LY6E: variants seen among roughly 807,000 people sequenced by gnomAD.
LY6E encodes lymphocyte antigen 6E.
LY6E carries 4 observed loss-of-function variants against 7.7 expected under a neutral mutation model. The ratio of observed to expected loss-of-function variants is 0.52; its 90% CI spans 0.25 to 1.18. The LOEUF is 1.18. Among genes scored for constraint, LY6E ranks in the 50% most tolerant of loss-of-function variants. The pLI, the probability that LY6E is intolerant of heterozygous loss-of-function variation, is 0.14. For missense variants in LY6E, 156 were observed against 168.0 expected (o/e 0.93, Z 0.40); for synonymous variants, 81 against 80.1 (o/e 1.01, Z -0.06).
At position 143,021,399 on chromosome 8, in the gene LY6E, C is replaced by T; in HGVS notation, c.138C>T (p.Asn46=). The change falls in exon 3 of 4, where the codon AAC becomes AAT. Residue 46 remains asparagine, a synonymous_variant. Transcript: ENST00000292494. ...CGACCATCTGCTCCGACCAGGACAA[C>T]TACTGCGTGACTGTGTCTGCTAGTG... ...LKPTICSDQD[N]YCVTVSASAG... 2 of 1,614,052 alleles carry T rather than the reference C, an allele frequency of 1.2e-6. No homozygotes were observed. The highest frequency in any genetic ancestry group is 1.7e-6 in the Non-Finnish European group (2 of 1,180,036).
At chr8:143,021,166 TCGA>T (rs1261503603) in intron 2 of LY6E, 145 bp from the exon 3 acceptor site, 9 of 1,271,028 alleles carry the variant, frequency 7.1e-6, no homozygotes, top group African/African-American at 1.5e-5. Flanking sequence ...CTTGACCTGC[TCGA>T]CGGCCAGGGT....
intron 1 of LY6E, 175 bp downstream of exon 1, chr8:143,018,761 C>G (rs938057846): frequency 6.6e-6 from 1 of 152,250 alleles, no homozygotes; most frequent in Non-Finnish European, 1.5e-5. Flanking sequence ...CACGGGGAGG[C>G]GCAGGAGAGG....
Position 143,021,601 on chromosome 8 carries a change from A to T in LY6E, c.208A>T (p.Thr70Ser). 1 of 1,613,942 alleles carries T rather than the reference A, an allele frequency of 6.2e-7. No individual in the cohort carries two copies. The highest frequency in any genetic ancestry group is 8.5e-7 in the Non-Finnish European group (1 of 1,180,010). ...GACATTTGGCCACAGCCTGAGCAAGACCTGTTCCCCGGCCTGCCCCATCCC... is the reference window on the plus strand; with the variant it reads ...GACATTTGGCCACAGCCTGAGCAAGTCCTGTTCCCCGGCCTGCCCCATCCC... ...LVTFGHSLSK[T>S]CSPACPIPEG... Residue 70 changes from threonine (T) to serine (S), a missense_variant, in exon 4 of 4, where the codon ACC becomes TCC. Physicochemically the swap from Thr to Ser is moderately conservative, Grantham distance 58. Coordinates refer to ENST00000292494, the MANE Select transcript of LY6E (RefSeq NM_002346.3).
chr8:143,021,616 T>G lies in LY6E; in HGVS notation c.223T>G (p.Cys75Gly). 6.2e-7 allele frequency: 1 copy of G among 1,614,016 alleles called. No homozygotes were observed. Among genetic ancestry groups the G allele is most frequent in the Non-Finnish European group, 8.5e-7 (1 of 1,180,020 alleles). ...CCTGAGCAAGACCTGTTCCCCGGCCTGCCCCATCCCAGAAGGCGTCAATGT... is the reference window on the plus strand; with the variant it reads ...CCTGAGCAAGACCTGTTCCCCGGCCGGCCCCATCCCAGAAGGCGTCAATGT... ...HSLSKTCSPA[C>G]PIPEGVNVGV... Residue 75 changes from cysteine (C) to glycine (G), a missense_variant, in exon 4 of 4, where the codon TGC becomes GGC. Coordinates refer to ENST00000292494, the MANE Select transcript of LY6E (RefSeq NM_002346.3).
rs749903777 is a variant in LY6E at position 143,021,297 on chromosome 8, G to A, written c.53-17G>A. Reference sequence around the variant, plus strand: ...CACTGGAGGCTTCCCTGAGACAGGTGTGTCCTCCTTCCGCAGCCAGCTCGC... The same window carrying A: ...CACTGGAGGCTTCCCTGAGACAGGTATGTCCTCCTTCCGCAGCCAGCTCGC... On this transcript the variant is annotated splice_polypyrimidine_tract_variant and intron_variant, in intron 2 of 3. Transcript: ENST00000292494. 4.3e-6 allele frequency: 7 copies of A among 1,611,064 alleles called. No individual in the cohort carries two copies. The highest frequency in any genetic ancestry group is 5.9e-6 in the Non-Finnish European group (7 of 1,179,246).
At chr8:143,019,344 C>T (rs766168438) in intron 1 of LY6E, among the ~76,000 whole-genome samples, 12 of 152,250 alleles carry the variant, frequency 7.9e-5, no homozygotes, top group Non-Finnish European at 1.6e-4. Context: ...CATGGCCCAC[C>T]CGGCCTTCCT....
At chr8:143,019,534 G>C (rs1586613738) in intron 1 of LY6E, among the ~76,000 whole-genome samples, 1 of 152,324 alleles carries the variant, frequency 6.6e-6, no homozygotes, top group East Asian at 1.9e-4. Flanking sequence ...GGGGTGGGGG[G>C]AAAAGGAATT....
rs1270828852 is a variant in LY6E at position 143,020,876 on chromosome 8, T to A, written c.-57-7T>A. The A allele has an allele frequency of 6.6e-7, 1 of 1,511,172 alleles. No homozygotes were observed. Among genetic ancestry groups the A allele is most frequent in the Non-Finnish European group, 9.2e-7 (1 of 1,091,670 alleles). The allele number at this position is 1,511,172 out of a possible 1,614,324, so 93.6% of individuals were successfully genotyped here. A position where few individuals can be genotyped will look rare whatever the true frequency, so the allele number is the denominator to read the frequency against. On this transcript the variant is annotated splice_polypyrimidine_tract_variant and splice_region_variant and intron_variant, in intron 1 of 3. Transcript: ENST00000292494. ...CACCCGGCCCCCTAACCAGTGTGTC[T>A]CTCCAGAGCAGGACAGGCTGCTTTG...
Position 143,021,292 on chromosome 8 carries a change from C to G in LY6E, c.53-22C>G, listed in dbSNP as rs762805159. The G allele has an allele frequency of 6.2e-6, 10 of 1,609,780 alleles. No homozygotes were observed. In the East Asian group the frequency reaches 1.1e-4, roughly 18 times the overall value. ...AGGGACACTGGAGGCTTCCCTGAGA[C>G]AGGTGTGTCCTCCTTCCGCAGCCAG... On this transcript the variant is annotated intron_variant, in intron 2 of 3. Coordinates refer to ENST00000292494, the MANE Select transcript of LY6E (RefSeq NM_002346.3).
chr8:143,022,098 A>C lies in LY6E; in HGVS notation c.*309A>C, dbSNP rs1200339020. On this transcript the variant is annotated 3_prime_UTR_variant, in exon 4 of 4. Transcript: ENST00000292494. ...CCATGGACATGCTGACAGGGTCCCC[A>C]GGGAGACCGTGTCAGTAGGGATGTG... 2.0e-5 allele frequency: 10 copies of C among 506,424 alleles called. No individual in the cohort carries two copies. Among genetic ancestry groups the C allele is most frequent in the Non-Finnish European group, 3.5e-5 (10 of 286,096 alleles). The allele number at this position is 506,424 out of a possible 1,614,324, so 31.4% of individuals were successfully genotyped here.
chr8:143,020,878 TC>T lies in LY6E; in HGVS notation c.-57-3del, dbSNP rs1563909480. Reference sequence around the variant, plus strand: ...CCCGGCCCCCTAACCAGTGTGTCTCTCCAGAGCAGGACAGGCTGCTTTGGTT... The same window carrying T: ...CCCGGCCCCCTAACCAGTGTGTCTCTCAGAGCAGGACAGGCTGCTTTGGTT... On this transcript the variant is annotated splice_polypyrimidine_tract_variant and splice_region_variant and intron_variant, in intron 1 of 3. Transcript: ENST00000292494. 7 of 1,529,514 alleles carry T rather than the reference TC, an allele frequency of 4.6e-6. No homozygotes were observed. The South Asian group carries it at 8.0e-5, about 18-fold the overall frequency. The allele number at this position is 1,529,514 out of a possible 1,614,324, so 94.7% of individuals were successfully genotyped here.
chr8:143,019,971 G>C (rs1260366810), intron 1 of LY6E, among the ~76,000 whole-genome samples: 1 of 152,232 alleles, frequency 6.6e-6, no homozygotes, highest in East Asian at 1.9e-4. Flanking sequence ...TTTCCTGCTG[G>C]TGGGACCAGT....
chr8:143,020,492 A>G (rs1379541099), intron 1 of LY6E: 1 of 170,490 alleles, frequency 5.9e-6, no homozygotes, highest in Non-Finnish European at 1.3e-5. Flanking sequence ...CCTTGGCCTC[A>G]CATAGCATGG....
Position 143,021,612 on chromosome 8 carries a change from G to T in LY6E, c.219G>T (p.Pro73=), listed in dbSNP as rs777002102. ...FGHSLSKTCS[P]ACPIPEGVNV... ...ACAGCCTGAGCAAGACCTGTTCCCC[G>T]GCCTGCCCCATCCCAGAAGGCGTCA... The change falls in exon 4 of 4, where the codon CCG becomes CCT. Residue 73 remains proline, a synonymous_variant. Coordinates refer to ENST00000292494, the MANE Select transcript of LY6E (RefSeq NM_002346.3). 21 of 1,613,880 alleles carry T rather than the reference G, an allele frequency of 1.3e-5. No homozygotes were observed. The highest frequency in any genetic ancestry group is 2.7e-5 in the African/African-American group (2 of 74,926).
At position 143,021,854 on chromosome 8, in the gene LY6E, A is replaced by ATACACTGTGGGATC; in HGVS notation, c.*65_*66insTACACTGTGGGATC. 1 of 1,445,368 alleles carries ATACACTGTGGGATC rather than the reference A, an allele frequency of 6.9e-7. No individual in the cohort carries two copies. The highest frequency in any genetic ancestry group is 9.4e-7 in the Non-Finnish European group (1 of 1,068,946). The allele number at this position is 1,445,368 out of a possible 1,614,324, so 89.5% of individuals were successfully genotyped here. On this transcript the variant is annotated 3_prime_UTR_variant, in exon 4 of 4. Coordinates refer to ENST00000292494, the MANE Select transcript of LY6E (RefSeq NM_002346.3). The stretch of plus-strand genomic sequence containing the variant: ...GAAAGCCCAGCCCTTTCTGGATCCC[A>ATACACTGTGGGATC]CAGTGTATGGGAGCCCCTGACTCCT...
At chr8:143,018,947 C>G (rs891463245) in intron 1 of LY6E, 1 of 152,250 alleles carries the variant, frequency 6.6e-6, no homozygotes, top group Non-Finnish European at 1.5e-5. Flanking sequence ...CAACTCCAGA[C>G]GCTCCTGGCT....
Position 143,021,588 on chromosome 8 carries a change from C to G in LY6E, c.195C>G (p.His65Gln), listed in dbSNP as rs756078908. 1 of 1,613,878 alleles carries G rather than the reference C, an allele frequency of 6.2e-7. No homozygotes were observed. The highest frequency in any genetic ancestry group is 1.3e-5 in the African/African-American group (1 of 74,944). Residue 65 changes from histidine to glutamine, a missense_variant, in exon 4 of 4, where the codon CAC (histidine) becomes CAG (glutamine). His to Gln is a conservative substitution (Grantham distance 24, BLOSUM62 0). Coordinates refer to ENST00000292494, the MANE Select transcript of LY6E (RefSeq NM_002346.3). ...CAGGGAATCTCGTGACATTTGGCCA[C>G]AGCCTGAGCAAGACCTGTTCCCCGG... ...AGIGNLVTFG[H>Q]SLSKTCSPAC... is the part of the protein sequence containing the mutation.
intron 1 of LY6E, 71 bp from the exon 2 acceptor site, chr8:143,020,812 C>T (rs933792681): frequency 2.5e-6 from 2 of 796,424 alleles, no homozygotes; most frequent in African/African-American, 3.4e-5. Flanking sequence ...TCCTCATCTG[C>T]AAAGTGGGGG....
intron 1 of LY6E, among the ~76,000 whole-genome samples, chr8:143,019,931 C>T (rs550473622): frequency 2.6e-5 from 4 of 152,228 alleles, no homozygotes; most frequent in Non-Finnish European, 5.9e-5. Flanking sequence ...GTGCAGAGGC[C>T]GAGGAGCAGT....
Sources: allele counts gnomAD v4.1 joint callset (sites outside exome capture counted in the v4.1 genomes callset), GRCh38; gene constraint gnomAD v4.1.1; transcripts MANE v1.5; gene names NCBI Gene and HGNC (gene_info 2026-07-23, HGNC 2026-07-21).